The following CCSER1 variants were observed in gnomAD, a reference collection of about 807,000 sequenced individuals.
The protein encoded by CCSER1 is coiled-coil serine rich protein 1.
CCSER1 carries 41 observed loss-of-function variants against 82.0 expected under a neutral mutation model. That is an observed-to-expected ratio of 0.50 (90% CI 0.39 to 0.65). CCSER1 has a LOEUF of 0.65. CCSER1 is among the 30% of genes least tolerant of loss of function. The pLI is 0.00. For missense variants in CCSER1, 1,119 were observed against 1,064.2 expected, an observed-to-expected ratio of 1.05 and a Z score of -0.72; for synonymous variants, 414 against 383.9, an observed-to-expected ratio of 1.08 and a Z score of -0.92.
chr4:90,293,262 T>C (rs1193921639), intron 1 of CCSER1, among the ~76,000 whole-genome samples: 1 of 151,720 alleles, frequency 6.6e-6, no homozygotes, highest in Non-Finnish European at 1.5e-5. Flanking sequence ...TGAGTGTGAA[T>C]CCCTTTAAAA....
chr4:91,475,881 G>A (rs576806154), intron 10 of CCSER1, among the ~76,000 whole-genome samples: 1 of 151,786 alleles, frequency 6.6e-6, no homozygotes, highest in Non-Finnish European at 1.5e-5. Flanking sequence ...ACATATGAGT[G>A]AGAATGTGTG....
chr4:90,153,063 G>T (rs1347679374), intron 1 of CCSER1, among the ~76,000 whole-genome samples: 1 of 119,374 alleles, frequency 8.4e-6, no homozygotes, highest in African/African-American at 3.3e-5. Flanking sequence ...AGTCCCCAGA[G>T]TGTGATGTTC....
intron 3 of CCSER1, among the ~76,000 whole-genome samples, chr4:90,320,162 T>C (rs577315484): frequency 1.3e-5 from 2 of 152,328 alleles, no homozygotes; most frequent in Admixed American, 6.5e-5. Flanking sequence ...GTGTATATAC[T>C]GGCATTTCTT....
chr4:91,007,617 A>C (rs1581320684), intron 9 of CCSER1, among the ~76,000 whole-genome samples: 2 of 132,996 alleles, frequency 1.5e-5, no homozygotes, highest in Admixed American at 1.5e-4. Context: ...GGTTCTATTT[A>C]TTTGTCTTCT....
At chr4:91,312,367 A>C (rs1745547180) in intron 10 of CCSER1, among the ~76,000 whole-genome samples, 1 of 151,768 alleles carries the variant, frequency 6.6e-6, no homozygotes, top group Non-Finnish European at 1.5e-5. Flanking sequence ...ACATGTATTA[A>C]TTTTGCCTGG....
intron 8 of CCSER1, among the ~76,000 whole-genome samples, chr4:90,853,946 C>T (rs568692937): frequency 6.6e-6 from 1 of 152,062 alleles, no homozygotes; most frequent in Non-Finnish European, 1.5e-5. Flanking sequence ...CCAATAAACC[C>T]ATTCATCTAT....
chr4:91,287,521 A>G (rs1743375171), intron 10 of CCSER1, among the ~76,000 whole-genome samples: 1 of 152,024 alleles, frequency 6.6e-6, no homozygotes, highest in African/African-American at 2.4e-5. Flanking sequence ...GAGGACTAAC[A>G]TAACTTTTCC....
chr4:90,392,647 G>A (rs763578008), intron 3 of CCSER1, among the ~76,000 whole-genome samples: 13 of 151,552 alleles, frequency 8.6e-5, no homozygotes, highest in Non-Finnish European at 1.6e-4. Flanking sequence ...ATTCATATTT[G>A]CAAAATATAT....
intron 10 of CCSER1, among the ~76,000 whole-genome samples, chr4:91,227,434 A>ATG (rs1056313196): frequency 6.6e-6 from 1 of 151,370 alleles, no homozygotes; most frequent in Non-Finnish European, 1.5e-5. Context: ...TAACATTATA[A>ATG]TGTGTGTGTG....
intron 9 of CCSER1, among the ~76,000 whole-genome samples, chr4:90,981,166 G>C (rs1255043698): frequency 6.6e-6 from 1 of 151,772 alleles, no homozygotes; most frequent in Non-Finnish European, 1.5e-5. Context: ...TTCCCAGTGG[G>C]GTTAGGCTTC....
chr4:91,156,646 G>T (rs1257015984), intron 10 of CCSER1, among the ~76,000 whole-genome samples: 4 of 151,660 alleles, frequency 2.6e-5, no homozygotes, highest in East Asian at 3.9e-4. Context: ...CAACTGAGAT[G>T]ACTAACCATA....
At chr4:90,426,358 G>A (rs980700931) in intron 4 of CCSER1, among the ~76,000 whole-genome samples, 1 of 152,106 alleles carries the variant, frequency 6.6e-6, no homozygotes, top group African/African-American at 2.4e-5. Flanking sequence ...TGATGATCAG[G>A]GCTAAAATAA....
chr4:90,460,282 G>A (rs973772723), intron 4 of CCSER1, among the ~76,000 whole-genome samples: 2 of 123,538 alleles, frequency 1.6e-5, no homozygotes, highest in Non-Finnish European at 3.1e-5. Context: ...TCGAGATCGC[G>A]CCACTGCACT....
intron 10 of CCSER1, among the ~76,000 whole-genome samples, chr4:91,338,901 C>A (rs1747510341): frequency 1.3e-5 from 2 of 152,198 alleles, no homozygotes; most frequent in East Asian, 1.9e-4. Context: ...TGTTTTAACA[C>A]CACGTAGCAG....
intron 6 of CCSER1, among the ~76,000 whole-genome samples, chr4:90,695,813 G>C (rs950667573): frequency 2.0e-5 from 3 of 151,468 alleles, no homozygotes; most frequent in Non-Finnish European, 4.4e-5. Flanking sequence ...TTTTTACATT[G>C]TTGCATAAGA....
intron 10 of CCSER1, among the ~76,000 whole-genome samples, chr4:91,127,278 A>G (rs1472045669): frequency 6.6e-6 from 1 of 152,088 alleles, no homozygotes. Context: ...AATATGTGAA[A>G]AAAATTGAGA....
intron 9 of CCSER1, among the ~76,000 whole-genome samples, chr4:90,966,115 C>A (rs1734535810): frequency 6.6e-6 from 1 of 151,828 alleles, no homozygotes; most frequent in Non-Finnish European, 1.5e-5. Flanking sequence ...ACTCAGAAAC[C>A]TGTAAAAACG....
At chr4:90,406,867 G>T (rs1391410264) in intron 4 of CCSER1, among the ~76,000 whole-genome samples, 1 of 152,066 alleles carries the variant, frequency 6.6e-6, no homozygotes, top group East Asian at 1.9e-4. Flanking sequence ...AGTGCTAAGA[G>T]GAAAGTTCAT....
At chr4:91,596,187 G>A (rs1158827348) in intron 10 of CCSER1, among the ~76,000 whole-genome samples, 12 of 151,820 alleles carry the variant, frequency 7.9e-5, no homozygotes, top group Admixed American at 7.9e-4. Context: ...TTTTCAATAT[G>A]TCTTTTTAAA....
Sources: allele counts gnomAD v4.1 joint callset (sites outside exome capture counted in the v4.1 genomes callset), GRCh38; gene constraint gnomAD v4.1.1; transcripts MANE v1.5; gene names NCBI Gene and HGNC (gene_info 2026-07-23, HGNC 2026-07-21).